Variants in NBAS observed in about 807,000 individuals in gnomAD.
NBAS encodes the protein NAG/BC035112 fusion.
In NBAS, 219 loss-of-function variants were observed where a neutral mutation model predicts 302.5. That is an observed-to-expected ratio of 0.72 (90% CI 0.65 to 0.81). The LOEUF is 0.81. Ranked by LOEUF, NBAS falls within the 30% of genes least tolerant of loss-of-function variation. The probability of loss-of-function intolerance (pLI) is 0.00; values close to 1 mark genes in which losing one functional copy is unlikely to be tolerated. For synonymous variants in NBAS, 1,118 were observed against 1,021.6 expected, an observed-to-expected ratio of 1.09 and a Z score of -1.80; for missense variants, 2,932 against 2,841.6, an observed-to-expected ratio of 1.03 and a Z score of -0.72.
chr2:15,396,591 C>A, intron 26 of NBAS, 116 bp from the exon 27 acceptor site: 1 of 631,076 alleles, frequency 1.6e-6, no homozygotes, highest in Non-Finnish European at 2.7e-6. Context: ...TAATGTATAA[C>A]AATATTATCT....
the NBAS span, among the ~76,000 whole-genome samples, chr2:15,062,539 C>T: frequency 6.6e-6 from 1 of 152,248 alleles, no homozygotes; most frequent in South Asian, 2.1e-4. Context: ...ATCAATGTAT[C>T]AATGATTTTC....
At chr2:15,543,588 G>A (rs1430357618) in intron 6 of NBAS, among the ~76,000 whole-genome samples, 1 of 152,190 alleles carries the variant, frequency 6.6e-6, no homozygotes, top group Non-Finnish European at 1.5e-5. Flanking sequence ...TGGAAGGCAA[G>A]GAGGAGCAAG....
At chr2:15,008,661 CATG>C in the NBAS span, among the ~76,000 whole-genome samples, 1 of 152,152 alleles carries the variant, frequency 6.6e-6, no homozygotes, top group East Asian at 1.9e-4. Context: ...CACTTTCTAT[CATG>C]ATAATTAAAT....
At chr2:15,302,864 C>A (rs1162383684) in intron 40 of NBAS, among the ~76,000 whole-genome samples, 1 of 152,178 alleles carries the variant, frequency 6.6e-6, no homozygotes, top group Non-Finnish European at 1.5e-5. Flanking sequence ...GTGGGAGAAG[C>A]CAACTGGCCA....
chr2:15,151,995 T>C, the NBAS span, among the ~76,000 whole-genome samples: 349 of 152,158 alleles, frequency 2.3e-3, 2 homozygotes, highest in Non-Finnish European at 3.8e-3. Flanking sequence ...CTACAGGCAG[T>C]TGTGACCATG....
intron 11 of NBAS, among the ~76,000 whole-genome samples, chr2:15,492,762 G>A (rs1016129680): frequency 2.0e-5 from 3 of 152,140 alleles, no homozygotes; most frequent in African/African-American, 4.8e-5. Context: ...CACCTGGTCC[G>A]TAGAAACATT....
At chr2:15,109,624 G>A in the NBAS span, among the ~76,000 whole-genome samples, 1 of 152,086 alleles carries the variant, frequency 6.6e-6, no homozygotes, top group Admixed American at 6.6e-5. Context: ...GTCAGGGGGT[G>A]GTGAGCACCC....
chr2:15,165,661 C>T (rs1051741026), downstream of NBAS, among the ~76,000 whole-genome samples: 5 of 145,232 alleles, frequency 3.4e-5, no homozygotes, highest in South Asian at 4.5e-4. Flanking sequence ...TGTAGGGCAC[C>T]GGTGGGAGTG....
chr2:15,120,965 C>A, the NBAS span, among the ~76,000 whole-genome samples: 2 of 152,174 alleles, frequency 1.3e-5, no homozygotes, highest in African/African-American at 4.8e-5. Context: ...CTCTGATGAC[C>A]TATTCACAGC....
intron 6 of NBAS, among the ~76,000 whole-genome samples, chr2:15,540,921 AC>A (rs1663784425): frequency 6.6e-6 from 1 of 151,754 alleles, no homozygotes; most frequent in South Asian, 2.1e-4. Context: ...ACGGGATTTC[AC>A]CATGTTGGCC....
the NBAS span, among the ~76,000 whole-genome samples, chr2:14,909,268 C>T: frequency 3.5e-5 from 5 of 144,054 alleles, no homozygotes; most frequent in South Asian, 2.2e-4. Context: ...TGCAGTGAGC[C>T]GGGATTGTGC....
At chr2:15,544,438 G>C (rs925908788) in intron 6 of NBAS, among the ~76,000 whole-genome samples, 1 of 152,000 alleles carries the variant, frequency 6.6e-6, no homozygotes, top group African/African-American at 2.4e-5. Context: ...AATTCTCTAT[G>C]GGAAAAGATG....
Position 15,541,876 on chromosome 2 carries a change from G to A in NBAS, c.380-2520C>T, listed in dbSNP as rs1440972739. 3.8e-5 allele frequency among the ~76,000 whole-genome samples: 2 copies of A among 53,136 alleles called. 1 individual carries two copies. Among genetic ancestry groups the A allele is most frequent in the East Asian group, 5.7e-4 (2 of 3,490 alleles). The allele number at this position is 53,136 out of a possible 152,430, so 34.9% of individuals were successfully genotyped here. On this transcript the variant is annotated intron_variant, in intron 6 of 51. Coordinates refer to ENST00000281513, the MANE Select transcript of NBAS (RefSeq NM_015909.4). ...GGTGGGGGGGTTCAGCCCCCCGCCC[G>A]GCCAGCCGCCCCGTCCGGGAGGGAG... is the stretch of plus-strand genomic sequence containing the variant.
intron 40 of NBAS, among the ~76,000 whole-genome samples, chr2:15,299,713 A>T (rs1422125947): frequency 6.6e-6 from 1 of 152,236 alleles, no homozygotes; most frequent in Non-Finnish European, 1.5e-5. Flanking sequence ...CAAAGATCAC[A>T]CTTCAAAATA....
At chr2:15,026,387 C>T in the NBAS span, among the ~76,000 whole-genome samples, 7 of 20,656 alleles carry the variant, frequency 3.4e-4, 3 homozygotes, top group African/African-American at 1.6e-3. Context: ...ACCCGGGAAG[C>T]GGAGCTTGCA....
At chr2:15,113,531 T>C in the NBAS span, among the ~76,000 whole-genome samples, 1 of 152,140 alleles carries the variant, frequency 6.6e-6, no homozygotes, top group Non-Finnish European at 1.5e-5. Flanking sequence ...AATTTTTCTC[T>C]ACCAGGTGAT....
At chr2:15,009,906 C>A in the NBAS span, among the ~76,000 whole-genome samples, 3 of 151,938 alleles carry the variant, frequency 2.0e-5, no homozygotes, top group Non-Finnish European at 4.4e-5. Flanking sequence ...GCTTACATAA[C>A]AAACTACTGA....
chr2:15,465,866 T>C (rs1249929988), intron 19 of NBAS, among the ~76,000 whole-genome samples: 3 of 152,180 alleles, frequency 2.0e-5, no homozygotes, highest in African/African-American at 7.2e-5. Flanking sequence ...TTTAGGCACT[T>C]TTTAAAAAAG....
At chr2:15,437,367 A>G (rs1428533850) in intron 21 of NBAS, among the ~76,000 whole-genome samples, 1 of 152,210 alleles carries the variant, frequency 6.6e-6, no homozygotes, top group Non-Finnish European at 1.5e-5. Context: ...ATTAATAAAC[A>G]AAGAAGCACA....
Sources: gnomAD v4.1 joint callset for allele counts (sites outside exome capture counted in the v4.1 genomes callset) on GRCh38, gnomAD v4.1.1 for gene constraint, MANE v1.5 for transcripts, NCBI Gene and HGNC (gene_info 2026-07-23, HGNC 2026-07-21) for gene names.